Variants in NAALAD2 observed in about 807,000 individuals in gnomAD.
NAALAD2 encodes N-acetylated alpha-linked acidic dipeptidase 2, also known as N-acetylated-alpha-linked acidic dipeptidase 2.
A neutral mutation model predicts 95.6 loss-of-function variants in NAALAD2; 89 were observed. That is an observed-to-expected ratio of 0.93 (90% CI 0.78 to 1.11). NAALAD2 has a LOEUF of 1.11. Ranked by LOEUF, NAALAD2 falls within the 50% of genes least tolerant of loss-of-function variation. The pLI, the probability that NAALAD2 is intolerant of heterozygous loss-of-function variation, is 0.00. For synonymous variants in NAALAD2, 264 were observed against 294.4 expected (o/e 0.90, Z 1.06); for missense variants, 894 against 872.4 (o/e 1.02, Z -0.31).
chr11:90,191,845 T>C lies in NAALAD2; in HGVS notation c.*98T>C. 1.1e-6 allele frequency: 1 copy of C among 930,110 alleles called. No individual in the cohort carries two copies. Among genetic ancestry groups the C allele is most frequent in the Non-Finnish European group, 1.5e-6 (1 of 673,294 alleles). The allele number at this position is 930,110 out of a possible 1,614,324, so 57.6% of individuals were successfully genotyped here. A position where few individuals can be genotyped will look rare whatever the true frequency, so the allele number is the denominator to read the frequency against. On this transcript the variant is annotated 3_prime_UTR_variant, in exon 19 of 19. Coordinates refer to ENST00000534061, the MANE Select transcript of NAALAD2 (RefSeq NM_005467.4). ...ATGAAGCCAGGGTGTTCTAAACTCTTTTCATGTCATGTTTTGATTATAGGC... is the reference window on the plus strand; with the variant it reads ...ATGAAGCCAGGGTGTTCTAAACTCTCTTCATGTCATGTTTTGATTATAGGC...
In NAALAD2 at chr11:90,177,844, T is replaced by A. The variant is rs751354877; in HGVS notation, c.1594-9T>A. ...TTTATTTATACTTGCCTCTCCATTT[T>A]TTTTTCAGAAAACAGATAAGTACAG... On this transcript the variant is annotated splice_polypyrimidine_tract_variant and intron_variant, in intron 15 of 18. Transcript: ENST00000534061. The A allele has an allele frequency of 1.3e-6, 2 of 1,593,614 alleles. No homozygotes were observed. Among genetic ancestry groups the A allele is most frequent in the African/African-American group, 2.7e-5 (2 of 73,562 alleles).
At chr11:90,154,357 A>G (rs1255690269) in intron 6 of NAALAD2, among the ~76,000 whole-genome samples, 1 of 151,922 alleles carries the variant, frequency 6.6e-6, no homozygotes, top group Admixed American at 6.6e-5. Context: ...CATTAGAAAT[A>G]TATGTTGGAT....
chr11:90,135,526 A>G (rs1236744494), intron 1 of NAALAD2, 33 bp from the exon 2 acceptor site: 1 of 1,464,796 alleles, frequency 6.8e-7, no homozygotes, highest in Non-Finnish European at 9.4e-7. Flanking sequence ...TTTTGTGTGT[A>G]TGTGTGCATG....
chr11:90,186,698 C>T (rs935476899), intron 18 of NAALAD2, among the ~76,000 whole-genome samples: 12 of 147,736 alleles, frequency 8.1e-5, no homozygotes, highest in African/African-American at 1.2e-4. Flanking sequence ...AAGACTTAAA[C>T]GTTAGACCTA....
intron 2 of NAALAD2, among the ~76,000 whole-genome samples, chr11:90,141,198 T>C (rs561542000): frequency 6.6e-6 from 1 of 152,300 alleles, no homozygotes; most frequent in East Asian, 1.9e-4. Context: ...AAACTATTAT[T>C]GTAGCTATAC....
rs1007883001 is a variant in NAALAD2 at position 90,170,192 on chromosome 11, G to T, written c.1410+56G>T. The T allele has an allele frequency of 8.7e-6, 9 of 1,032,212 alleles. 1 individual carries two copies. Among genetic ancestry groups the T allele is most frequent in the Middle Eastern group, 2.0e-4 (1 of 4,932 alleles). The allele number at this position is 1,032,212 out of a possible 1,614,324, so 63.9% of individuals were successfully genotyped here. On this transcript the variant is annotated intron_variant, in intron 13 of 18. Transcript: ENST00000534061. ...TCTTTTGAATGGATAAATGAATAACGTGTGTTCCCCCCTAAATTAATGGTA... is the reference window on the plus strand; with the variant it reads ...TCTTTTGAATGGATAAATGAATAACTTGTGTTCCCCCCTAAATTAATGGTA...
chr11:90,177,950 T>G lies in NAALAD2; in HGVS notation c.1691T>G (p.Leu564Arg), dbSNP rs140733929. The G allele has an allele frequency of 1.1e-5, 18 of 1,613,924 alleles. No individual in the cohort carries two copies. The African/African-American group carries it at 2.1e-4, about 19-fold the overall frequency. ...TATGACCCCACATTTAAAAAACAACTTTCTGTGGCTCAATTACGAGGAGCA... is the reference window on the plus strand; with the variant it reads ...TATGACCCCACATTTAAAAAACAACGTTCTGTGGCTCAATTACGAGGAGCA... The part of the protein sequence containing the change: ...KFYDPTFKKQ[L>R]SVAQLRGALV... Residue 564 changes from leucine to arginine, a missense_variant, in exon 16 of 19, where the codon CTT becomes CGT. Physicochemically the swap from Leu to Arg is moderately radical, Grantham distance 102. Transcript: ENST00000534061.
At chr11:90,137,909 C>G (rs977066054) in intron 2 of NAALAD2, among the ~76,000 whole-genome samples, 3 of 152,006 alleles carry the variant, frequency 2.0e-5, no homozygotes, top group South Asian at 2.1e-4. Context: ...TCCCACAGTG[C>G]TAGGATTACA....
intron 6 of NAALAD2, among the ~76,000 whole-genome samples, chr11:90,154,030 C>CCTCT (rs57531442): frequency 4.0e-5 from 6 of 149,208 alleles, no homozygotes; most frequent in African/African-American, 1.5e-4. Context: ...GCCCTTCCTT[C>CCTCT]CTCTCTCTCT....
intron 6 of NAALAD2, among the ~76,000 whole-genome samples, chr11:90,156,435 G>A (rs1164876701): frequency 6.6e-6 from 1 of 151,896 alleles, no homozygotes; most frequent in Admixed American, 6.6e-5. Flanking sequence ...GCCTTTATTT[G>A]TTCTTTTTCT....
chr11:90,134,961 A>G, intron 1 of NAALAD2, 121 bp downstream of exon 1: 2 of 1,084,232 alleles, frequency 1.8e-6, no homozygotes, highest in Non-Finnish European at 2.8e-6. Context: ...GCTGGGCTAG[A>G]TATGATAAAC....
chr11:90,174,866 T>G (rs549525812), intron 14 of NAALAD2, among the ~76,000 whole-genome samples: 51 of 152,278 alleles, frequency 3.3e-4, no homozygotes, highest in African/African-American at 1.1e-3. Context: ...CCAAAACTTT[T>G]TGAGCACCAA....
At chr11:90,191,409 A>G (rs1857321223) in intron 18 of NAALAD2, 149 bp from the exon 19 acceptor site, 2 of 479,212 alleles carry the variant, frequency 4.2e-6, no homozygotes, top group African/African-American at 2.0e-5. Context: ...GCTTGAAATT[A>G]TGATTCGCAT....
intron 2 of NAALAD2, among the ~76,000 whole-genome samples, chr11:90,143,248 A>C (rs1277570532): frequency 6.6e-6 from 1 of 152,120 alleles, no homozygotes; most frequent in Non-Finnish European, 1.5e-5. Flanking sequence ...AACTTCCTTA[A>C]GTATTTCCTG....
intron 11 of NAALAD2, chr11:90,163,862 GT>G (rs1214482637): frequency 2.2e-5 from 10 of 458,658 alleles, no homozygotes; most frequent in Admixed American, 1.2e-4. Flanking sequence ...ATTTGCATTT[GT>G]TTTATAAAAA....
chr11:90,184,722 A>G (rs2134989749), intron 18 of NAALAD2, among the ~76,000 whole-genome samples: 1 of 152,118 alleles, frequency 6.6e-6, no homozygotes, highest in South Asian at 2.1e-4. Flanking sequence ...CCAGTTCTTT[A>G]TTCTCTTCAG....
At chr11:90,163,123 T>A in intron 9 of NAALAD2, 89 bp downstream of exon 9, 2 of 1,213,266 alleles carry the variant, frequency 1.6e-6, no homozygotes, top group Non-Finnish European at 2.3e-6. Context: ...TGAAGTGGGG[T>A]TTTTTGGCTG....
At chr11:90,146,617 G>A (rs1008846675) in intron 2 of NAALAD2, among the ~76,000 whole-genome samples, 14 of 151,736 alleles carry the variant, frequency 9.2e-5, no homozygotes, top group African/African-American at 2.7e-4. Context: ...CACCCTCCTC[G>A]GCCTCCCAAA....
intron 17 of NAALAD2, among the ~76,000 whole-genome samples, chr11:90,182,029 C>CT (rs1952987921): frequency 1.3e-5 from 2 of 151,880 alleles, no homozygotes; most frequent in South Asian, 4.1e-4. Context: ...CCAAAGGTAC[C>CT]TGTCATTAGG....
Sources: allele counts gnomAD v4.1 joint callset (sites outside exome capture counted in the v4.1 genomes callset), GRCh38; gene constraint gnomAD v4.1.1; transcripts MANE v1.5; gene names NCBI Gene and HGNC (gene_info 2026-07-23, HGNC 2026-07-21).